GABRG3: variants seen among roughly 807,000 people sequenced by gnomAD.
GABRG3 encodes the protein gamma-aminobutyric acid type A receptor subunit gamma3.
A neutral mutation model predicts 48.8 loss-of-function variants in GABRG3; 25 were observed. The ratio of observed to expected loss-of-function variants is 0.51; its 90% CI spans 0.37 to 0.72. The LOEUF is 0.72. GABRG3 is among the 30% of genes least tolerant of loss of function. The probability of loss-of-function intolerance (pLI) is 0.00; values close to 1 mark genes in which losing one functional copy is unlikely to be tolerated. For missense variants in GABRG3, 394 were observed against 577.9 expected, an observed-to-expected ratio of 0.68 and a Z score of 3.26; for synonymous variants, 227 against 217.6, an observed-to-expected ratio of 1.04 and a Z score of -0.38.
intron 3 of GABRG3, among the ~76,000 whole-genome samples, chr15:27,147,547 AGTGGGGG>A (rs1898231758): frequency 6.6e-6 from 1 of 152,018 alleles, no homozygotes; most frequent in Non-Finnish European, 1.5e-5. Flanking sequence ...TCTCTGGGTG[AGTGGGGG>A]ACACAATTGT....
intron 5 of GABRG3, among the ~76,000 whole-genome samples, chr15:27,477,325 T>G (rs1476677134): frequency 6.6e-6 from 1 of 152,126 alleles, no homozygotes; most frequent in Non-Finnish European, 1.5e-5. Context: ...AAACCTGAAA[T>G]AGCTACATAC....
chr15:27,431,687 C>T (rs1888458745), intron 5 of GABRG3, among the ~76,000 whole-genome samples: 1 of 152,074 alleles, frequency 6.6e-6, no homozygotes, highest in Admixed American at 6.6e-5. Context: ...AGGAAAGTAC[C>T]TTCTATTCCA....
chr15:26,996,811 A>G (rs566415914), intron 2 of GABRG3, among the ~76,000 whole-genome samples: 35 of 151,574 alleles, frequency 2.3e-4, no homozygotes, highest in Admixed American at 2.0e-3. Flanking sequence ...CACCACGCCC[A>G]GCTAATGTTT....
At chr15:27,090,052 G>T (rs570395677) in intron 3 of GABRG3, among the ~76,000 whole-genome samples, 1 of 152,198 alleles carries the variant, frequency 6.6e-6, no homozygotes, top group Non-Finnish European at 1.5e-5. Flanking sequence ...CAGTTCTTTT[G>T]TGTATAGACA....
intron 5 of GABRG3, among the ~76,000 whole-genome samples, chr15:27,410,369 T>G (rs1395936675): frequency 2.0e-5 from 3 of 152,158 alleles, no homozygotes; most frequent in African/African-American, 7.2e-5. Context: ...CTTTTTTAGT[T>G]TAGCTTGGTA....
At chr15:27,065,062 C>A (rs1290585738) in intron 3 of GABRG3, among the ~76,000 whole-genome samples, 18 of 152,170 alleles carry the variant, frequency 1.2e-4, no homozygotes, top group Admixed American at 1.2e-3. Context: ...TGGGCTCCTG[C>A]ACCCTCTCTT....
intron 3 of GABRG3, among the ~76,000 whole-genome samples, chr15:27,067,597 G>A (rs1896759176): frequency 6.6e-6 from 1 of 152,198 alleles, no homozygotes; most frequent in Non-Finnish European, 1.5e-5. Context: ...GCCTCCAGCT[G>A]AGACCGCATC....
chr15:27,093,953 T>C (rs1897233588), intron 3 of GABRG3, among the ~76,000 whole-genome samples: 1 of 152,154 alleles, frequency 6.6e-6, no homozygotes, highest in Non-Finnish European at 1.5e-5. Flanking sequence ...CCATGACCAT[T>C]CACATAAAAA....
At chr15:27,513,399 A>C (rs59937179) in intron 6 of GABRG3, among the ~76,000 whole-genome samples, 1 of 151,494 alleles carries the variant, frequency 6.6e-6, no homozygotes, top group African/African-American at 2.4e-5. Context: ...GCAGTGAGCC[A>C]AGATGGCGCC....
At chr15:27,344,317 C>CTG (rs1799684318) in intron 5 of GABRG3, among the ~76,000 whole-genome samples, 1 of 152,200 alleles carries the variant, frequency 6.6e-6, no homozygotes, top group Non-Finnish European at 1.5e-5. Context: ...TACCTTAGCA[C>CTG]TGTGAGGTGG....
At chr15:27,147,331 G>A (rs1898227349) in intron 3 of GABRG3, among the ~76,000 whole-genome samples, 1 of 152,004 alleles carries the variant, frequency 6.6e-6, no homozygotes, top group Non-Finnish European at 1.5e-5. Context: ...TGACAGAATT[G>A]GAGGTAGAAA....
At chr15:27,026,393 A>C (rs942901833) in intron 2 of GABRG3, among the ~76,000 whole-genome samples, 3 of 152,192 alleles carry the variant, frequency 2.0e-5, no homozygotes, top group Admixed American at 6.5e-5. Flanking sequence ...TTTGACATTA[A>C]ATTACTCATG....
Position 26,975,831 on chromosome 15 carries a change from G to A in GABRG3, c.54-1171G>A, listed in dbSNP as rs1351375707. 2.0e-5 allele frequency among the ~76,000 whole-genome samples: 3 copies of A among 152,136 alleles called. No homozygotes were observed. Among genetic ancestry groups the A allele is most frequent in the African/African-American group, 4.8e-5 (2 of 41,436 alleles). On this transcript the variant is annotated intron_variant, in intron 1 of 9. Coordinates refer to ENST00000615808, the MANE Select transcript of GABRG3 (RefSeq NM_033223.5). The surrounding 1 kb of genome is among the most constrained non-coding windows in gnomAD (Gnocchi z 4.6). ...ATACAGTCAGGACAAATCCGCTTCC[G>A]TGCAGTTTTCAATTCTTTTTATTCT...
chr15:27,514,455 C>G (rs1345310008), intron 6 of GABRG3, among the ~76,000 whole-genome samples: 1 of 152,174 alleles, frequency 6.6e-6, no homozygotes, highest in African/African-American at 2.4e-5. Context: ...GACCAGAGGA[C>G]AGTCTCTCTC....
intron 3 of GABRG3, among the ~76,000 whole-genome samples, chr15:27,322,249 T>C (rs1893452544): frequency 6.6e-6 from 1 of 152,206 alleles, no homozygotes. Flanking sequence ...AGCCTCACTC[T>C]GTCTTAAAGT....
At chr15:27,061,352 G>A (rs1359319624) in intron 3 of GABRG3, among the ~76,000 whole-genome samples, 2 of 152,136 alleles carry the variant, frequency 1.3e-5, no homozygotes, top group South Asian at 2.1e-4. Flanking sequence ...CACTGTATAC[G>A]GGGCTGGGTG....
At chr15:27,193,199 G>A (rs976117149) in intron 3 of GABRG3, among the ~76,000 whole-genome samples, 17 of 152,274 alleles carry the variant, frequency 1.1e-4, no homozygotes, top group African/African-American at 2.9e-4. Flanking sequence ...CAGTCTGCCC[G>A]TTCTCAGATC....
At chr15:27,336,610 C>T (rs1450388844) in intron 5 of GABRG3, among the ~76,000 whole-genome samples, 1 of 152,144 alleles carries the variant, frequency 6.6e-6, no homozygotes, top group Non-Finnish European at 1.5e-5. Flanking sequence ...ACAGAAGTGT[C>T]TTATAAAACT....
intron 3 of GABRG3, among the ~76,000 whole-genome samples, chr15:27,183,767 T>C (rs1888006785): frequency 6.6e-6 from 1 of 152,214 alleles, no homozygotes. Context: ...GCAAGCTCTG[T>C]TAACAATTTT....
Sources: allele counts gnomAD v4.1 joint callset (sites outside exome capture counted in the v4.1 genomes callset), GRCh38; gene constraint gnomAD v4.1.1; non-coding constraint Gnocchi (gnomAD v3.1); transcripts MANE v1.5; gene names NCBI Gene and HGNC (gene_info 2026-07-23, HGNC 2026-07-21).